The following MTA1 variants were observed in gnomAD, a reference collection of about 807,000 sequenced individuals.
The protein encoded by MTA1 is metastasis associated 1.
MTA1 carries 15 observed loss-of-function variants against 97.0 expected under a neutral mutation model. That is an observed-to-expected ratio of 0.15 (90% confidence interval 0.10 to 0.24). The LOEUF (loss-of-function observed/expected upper bound fraction) is 0.24, where lower values mean the gene tolerates loss of function less well. Ranked by LOEUF, MTA1 falls within the 10% of genes least tolerant of loss-of-function variation. MTA1 has a pLI of 1.00. For missense variants in MTA1, 709 were observed against 1,015.1 expected (o/e 0.70, Z 4.10); for synonymous variants, 435 against 417.5 (o/e 1.04, Z -0.51).
intron 16 of MTA1, 172 bp downstream of exon 16, chr14:105,465,355 C>T (rs2083528706): frequency 4.3e-6 from 2 of 461,328 alleles, no homozygotes; most frequent in Non-Finnish European, 7.3e-6. Flanking sequence ...TCAGGCAGAC[C>T]CACTGGGACC....
rs1555434010 is a variant in MTA1 at position 105,469,994 on chromosome 14, T to TGG, written c.1997+5_1997+6dup. The TGG allele has an allele frequency of 6.2e-7, 1 of 1,612,392 alleles. No homozygotes were observed. Among genetic ancestry groups the TGG allele is most frequent in the Admixed American group, 1.7e-5 (1 of 59,988 alleles). On this transcript the variant is annotated splice_region_variant and intron_variant, in intron 20 of 20. Coordinates refer to ENST00000331320, the MANE Select transcript of MTA1 (RefSeq NM_004689.4). The stretch of plus-strand genomic sequence containing the variant: ...CTACATGGCCACAGAGGAGACCAGG[T>TGG]GGGGCCTTCCCAGGGCAGGCGGGAG...
At chr14:105,438,077 C>T (rs2082387540) in intron 1 of MTA1, among the ~76,000 whole-genome samples, 1 of 152,228 alleles carries the variant, frequency 6.6e-6, no homozygotes, top group South Asian at 2.1e-4. Context: ...CTCTGGTATT[C>T]CTGTCATTCC....
At chr14:105,437,794 A>G (rs765207866) in intron 1 of MTA1, among the ~76,000 whole-genome samples, 2 of 152,184 alleles carry the variant, frequency 1.3e-5, no homozygotes, top group Non-Finnish European at 2.9e-5. Context: ...TCGTGAGGAC[A>G]TGGCCTCAGT....
rs2141727795 is a variant in MTA1 at position 105,469,876 on chromosome 14, C to T, written c.1881C>T (p.Ser627=). The T allele has an allele frequency of 6.2e-7, 1 of 1,610,568 alleles. No homozygotes were observed. The highest frequency in any genetic ancestry group is 8.5e-7 in the Non-Finnish European group (1 of 1,179,018). The change falls in exon 20 of 21, where the codon TCC becomes TCT. Residue 627 remains serine (S), a synonymous_variant. Coordinates refer to ENST00000331320, the MANE Select transcript of MTA1 (RefSeq NM_004689.4). ...GGAACCTCCTGCTCAACGGGAAGTC[C>T]TACCCCACCAAAGTGCGCCTGATCC... ...PSRNLLLNGK[S]YPTKVRLIRG...
At position 105,438,730 on chromosome 14, in the gene MTA1, G is replaced by A. The variant is rs1386820719; in HGVS notation, c.87G>A (p.Glu29=). The change falls in exon 2 of 21, where the codon GAG becomes GAA. Residue 29 remains glutamate (E), a synonymous_variant. Coordinates refer to ENST00000331320, the MANE Select transcript of MTA1 (RefSeq NM_004689.4). ...CATACCTGATCCGGAGAATCGAGGA[G>A]CTCAACAAGGTACTGGGGGGCCCTG... is the stretch of plus-strand genomic sequence containing the variant. ...SNPYLIRRIE[E]LNKTANGNVE... 2 of 1,612,832 alleles carry A rather than the reference G, an allele frequency of 1.2e-6. No homozygotes were observed. The highest frequency in any genetic ancestry group is 1.7e-6 in the Non-Finnish European group (2 of 1,179,836).
At position 105,434,220 on chromosome 14, in the gene MTA1, G is replaced by T. The variant is rs141804189; in HGVS notation, c.29-4452G>T. Reference sequence around the variant, plus strand: ...CTTGGCCTGCACAGCCTGGAGTATTGACTATCTGGACCTTTATAGGAAGCT... The same window carrying T: ...CTTGGCCTGCACAGCCTGGAGTATTTACTATCTGGACCTTTATAGGAAGCT... On this transcript the variant is annotated intron_variant, in intron 1 of 20. Transcript: ENST00000331320. Among the ~76,000 whole-genome samples the T allele has an allele frequency of 6.2e-3, 939 of 152,216 alleles. 14 individuals carry two copies. Among genetic ancestry groups the T allele is most frequent in the African/African-American group, 0.019 (775 of 41,528 alleles).
intron 18 of MTA1, chr14:105,468,019 G>A (rs1048403968): frequency 9.5e-5 from 30 of 316,466 alleles, no homozygotes; most frequent in Non-Finnish European, 1.5e-4. Context: ...GGGCTCAGAG[G>A]GGTCAGCCAC....
intron 18 of MTA1, 123 bp from the exon 19 acceptor site, chr14:105,469,344 G>A: frequency 9.1e-7 from 1 of 1,100,454 alleles, no homozygotes. Flanking sequence ...CTGGGTGTGG[G>A]CTGTGGCTTG....
chr14:105,433,294 T>TTA (rs2082234651), intron 1 of MTA1, among the ~76,000 whole-genome samples: 2 of 152,016 alleles, frequency 1.3e-5, no homozygotes, highest in African/African-American at 4.8e-5. Flanking sequence ...GTCCAGGTGT[T>TTA]TTTAGAGGTT....
chr14:105,469,075 G>A (rs587640909), intron 18 of MTA1: 53 of 454,298 alleles, frequency 1.2e-4, no homozygotes, highest in African/African-American at 8.3e-4. Context: ...GGGCAGTGCC[G>A]GCCACAGCGT....
chr14:105,453,743 G>A (rs993546631), intron 6 of MTA1, among the ~76,000 whole-genome samples: 27 of 152,260 alleles, frequency 1.8e-4, no homozygotes, highest in African/African-American at 6.3e-4. Context: ...CCCGGGAAAC[G>A]GAGGTTGCAG....
In MTA1 at chr14:105,422,611, A is replaced by G. The variant is rs886102825; in HGVS notation, c.28+2548A>G. On this transcript the variant is annotated intron_variant, in intron 1 of 20. Transcript: ENST00000331320. This position sits in a 1 kb window ranked among gnomAD's most constrained non-coding sequence, Gnocchi z 4.3. ...AGTTTCAGATAAACAGAAATTTATT[A>G]GTGTAAGTATGTCCCAAATATGGCA... 1.8e-4 allele frequency among the ~76,000 whole-genome samples: 27 copies of G among 152,244 alleles called. No homozygotes were observed. The highest frequency in any genetic ancestry group is 6.5e-4 in the African/African-American group (27 of 41,462).
chr14:105,445,471 C>T lies in MTA1; in HGVS notation c.150C>T (p.Asp50=). 6.2e-7 allele frequency: 1 copy of T among 1,613,654 alleles called. No homozygotes were observed. Among genetic ancestry groups the T allele is most frequent in the Non-Finnish European group, 8.5e-7 (1 of 1,179,974 alleles). The stretch of plus-strand genomic sequence containing the variant: ...TGGTGTGCTTCTACCGGAGGCGGGA[C>T]ATCTCCAGCACCCTCATCGCCCTGG... The part of the protein sequence containing the change: ...AKVVCFYRRR[D]ISSTLIALAD... The change falls in exon 3 of 21, where the codon GAC becomes GAT. Residue 50 remains aspartate, a synonymous_variant. Coordinates refer to ENST00000331320, the MANE Select transcript of MTA1 (RefSeq NM_004689.4).
intron 1 of MTA1, among the ~76,000 whole-genome samples, chr14:105,433,772 T>G (rs2082250608): frequency 6.6e-6 from 1 of 152,176 alleles, no homozygotes; most frequent in African/African-American, 2.4e-5. Flanking sequence ...CAATATGTCA[T>G]CTCCCAAAAC....
chr14:105,437,405 G>C (rs969441058), intron 1 of MTA1, among the ~76,000 whole-genome samples: 1 of 151,954 alleles, frequency 6.6e-6, no homozygotes, highest in Non-Finnish European at 1.5e-5. Context: ...CCTCATGGGC[G>C]TGTGACTGCA....
chr14:105,428,088 G>A (rs920410220), intron 1 of MTA1, among the ~76,000 whole-genome samples: 6 of 151,876 alleles, frequency 4.0e-5, no homozygotes, highest in African/African-American at 1.5e-4. Flanking sequence ...ATGTGTAGGG[G>A]CCTGTGGTTT....
chr14:105,464,461 A>C lies in MTA1; in HGVS notation c.1238A>C (p.Gln413Pro). ...TATTCTTGGGGTCCCCCTAACATGC[A>C]GTGTCGTCTCTGCGCATCTTGTTGG... The part of the protein sequence containing the change: ...QWYSWGPPNM[Q>P]CRLCASCWTY... Residue 413 changes from glutamine (Q) to proline (P), a missense_variant, in exon 14 of 21, where the codon CAG becomes CCG. Gln to Pro is a moderately conservative substitution (Grantham distance 76). Coordinates refer to ENST00000331320, the MANE Select transcript of MTA1 (RefSeq NM_004689.4). 6.2e-7 allele frequency: 1 copy of C among 1,613,642 alleles called. No individual in the cohort carries two copies. The highest frequency in any genetic ancestry group is 8.5e-7 in the Non-Finnish European group (1 of 1,179,938).
chr14:105,448,740 TCA>T (rs2082806427), intron 3 of MTA1, among the ~76,000 whole-genome samples: 1 of 152,216 alleles, frequency 6.6e-6, no homozygotes, highest in African/African-American at 2.4e-5. Context: ...GCTCCCAGCC[TCA>T]GTCTTAGCTG....
chr14:105,457,376 C>T (rs2083191744), intron 7 of MTA1, among the ~76,000 whole-genome samples: 1 of 152,230 alleles, frequency 6.6e-6, no homozygotes, highest in South Asian at 2.1e-4. Context: ...CAGGTGGCCT[C>T]TTCACCAGCC....
Sources: allele counts gnomAD v4.1 joint callset (sites outside exome capture counted in the v4.1 genomes callset), GRCh38; gene constraint gnomAD v4.1.1; non-coding constraint Gnocchi (gnomAD v3.1); transcripts MANE v1.5; gene names NCBI Gene and HGNC (gene_info 2026-07-23, HGNC 2026-07-21).